The following TYW1B variants were observed in gnomAD, a reference collection of about 807,000 sequenced individuals.
The protein encoded by TYW1B is tRNA-yW synthesizing protein 1 homolog B, also known as S-adenosyl-L-methionine-dependent tRNA 4-demethylwyosine synthase TYW1B.
Under a neutral mutation model 86.9 loss-of-function variants are expected in TYW1B, and 73 were observed. The ratio of observed to expected loss-of-function variants is 0.84; its 90% CI spans 0.70 to 1.02. The LOEUF is 1.02. Among genes scored for constraint, TYW1B ranks in the 50% least tolerant of loss-of-function variants. The pLI is 0.00. For synonymous variants in TYW1B, 248 were observed against 292.8 expected, an observed-to-expected ratio of 0.85 and a Z score of 1.56; for missense variants, 637 against 827.4, an observed-to-expected ratio of 0.77 and a Z score of 2.82.
intron 13 of TYW1B, among the ~76,000 whole-genome samples, chr7:72,612,340 G>A (rs1165789803): frequency 2.0e-5 from 3 of 152,122 alleles, no homozygotes; most frequent in Non-Finnish European, 2.9e-5. Context: ...TAAATGGGAG[G>A]AAAGGGAGGG....
intron 7 of TYW1B, among the ~76,000 whole-genome samples, chr7:72,764,294 T>C (rs1299750519): frequency 3.9e-5 from 6 of 152,198 alleles, no homozygotes; most frequent in Non-Finnish European, 4.4e-5. Flanking sequence ...ACAAGTCCTT[T>C]TTTTTCTTTT....
intron 11 of TYW1B, among the ~76,000 whole-genome samples, chr7:72,683,470 T>C (rs1333956182): frequency 1.3e-5 from 2 of 152,178 alleles, no homozygotes; most frequent in Non-Finnish European, 2.9e-5. Context: ...CTTGGAAGGC[T>C]GAGGCAGGAG....
intron 6 of TYW1B, among the ~76,000 whole-genome samples, chr7:72,800,820 G>A (rs879986902): frequency 4.0e-5 from 6 of 150,898 alleles, no homozygotes; most frequent in African/African-American, 7.3e-5. Context: ...TTTTCCACAT[G>A]ACTAGATCAA....
intron 10 of TYW1B, among the ~76,000 whole-genome samples, chr7:72,696,853 C>T (rs1332168296): frequency 1.3e-5 from 2 of 152,006 alleles, no homozygotes; most frequent in African/African-American, 4.8e-5. Context: ...TCTGCAATAC[C>T]GATGTACTAA....
At chr7:72,803,215 C>T (rs1264469749) in intron 5 of TYW1B, among the ~76,000 whole-genome samples, 2 of 151,994 alleles carry the variant, frequency 1.3e-5, no homozygotes, top group African/African-American at 4.8e-5. Context: ...TCTACAAAAA[C>T]AACAACAACA....
At chr7:72,648,247 A>G (rs1812977831) in intron 11 of TYW1B, among the ~76,000 whole-genome samples, 2 of 151,992 alleles carry the variant, frequency 1.3e-5, no homozygotes, top group Admixed American at 6.6e-5. Context: ...TAGATACTTA[A>G]AACTCCCCTG....
chr7:72,766,158 T>A lies in TYW1B; in HGVS notation c.964+11258A>T, dbSNP rs553113796. 2.0e-4 allele frequency among the ~76,000 whole-genome samples: 30 copies of A among 152,352 alleles called. 1 individual carries two copies. The highest frequency in any genetic ancestry group is 7.0e-4 in the African/African-American group (29 of 41,592). The stretch of plus-strand genomic sequence containing the variant: ...TCCTCTGGGAAAGCTGAAACCCATA[T>A]ACACAAAACAAAACAGCTCATAACG... On this transcript the variant is annotated intron_variant, in intron 7 of 13. Coordinates refer to ENST00000620995, the MANE Select transcript of TYW1B (RefSeq NM_001145440.3).
chr7:72,827,029 C>T, intron 1 of TYW1B, 44 bp from the exon 2 acceptor site: 1 of 1,568,996 alleles, frequency 6.4e-7, no homozygotes, highest in South Asian at 1.2e-5. Flanking sequence ...TTTAAAGCTA[C>T]ATATACAAAG....
chr7:72,605,596 C>T (rs1811774558), intron 13 of TYW1B, among the ~76,000 whole-genome samples: 1 of 152,128 alleles, frequency 6.6e-6, no homozygotes, highest in Non-Finnish European at 1.5e-5. Context: ...TCATGATCCG[C>T]CCACTTCGGC....
At chr7:72,789,939 CTTTTTTTTTT>C (rs67405029) in intron 6 of TYW1B, among the ~76,000 whole-genome samples, 1 of 69,168 alleles carries the variant, frequency 1.4e-5, no homozygotes, top group Admixed American at 2.0e-4. Flanking sequence ...ATAGGATTAT[CTTTTTTTTTT>C]TTTTTTTTTT....
In TYW1B at chr7:72,574,957, A is replaced by G; in HGVS notation, c.*541T>C. On this transcript the variant is annotated 3_prime_UTR_variant, in exon 14 of 14. Transcript: ENST00000620995. ...TAAACCAAAACTCAATCTATGCAGT[A>G]TTTAAAAAATAATTGAGAGTTGTGA... is the stretch of plus-strand genomic sequence containing the variant. 1 of 988,188 alleles carries G rather than the reference A, an allele frequency of 1.0e-6. No individual in the cohort carries two copies. Among genetic ancestry groups the G allele is most frequent in the African/African-American group, 1.7e-5 (1 of 57,376 alleles). 61.2% of individuals were successfully genotyped at this position (988,188 alleles called of 1,614,324 possible).
intron 9 of TYW1B, among the ~76,000 whole-genome samples, chr7:72,719,705 T>TGG (rs1554456955): frequency 6.8e-6 from 1 of 146,900 alleles, no homozygotes; most frequent in Admixed American, 6.8e-5. Flanking sequence ...AATGAAGATG[T>TGG]GGGGTGCCAA....
intron 6 of TYW1B, among the ~76,000 whole-genome samples, chr7:72,785,977 G>A (rs1788122458): frequency 6.6e-6 from 1 of 152,068 alleles, no homozygotes; most frequent in African/African-American, 2.4e-5. Context: ...GCCGGGCGTG[G>A]TGGCGGGCGC....
At chr7:72,642,923 T>G (rs1554441658) in intron 11 of TYW1B, among the ~76,000 whole-genome samples, 1 of 152,132 alleles carries the variant, frequency 6.6e-6, no homozygotes, top group African/African-American at 2.4e-5. Flanking sequence ...GAAGTTCTGA[T>G]TCATGCTATA....
intron 6 of TYW1B, among the ~76,000 whole-genome samples, chr7:72,797,817 T>C (rs1788329715): frequency 6.6e-6 from 1 of 152,158 alleles, no homozygotes; most frequent in African/African-American, 2.4e-5. Flanking sequence ...GCCGTGAGAC[T>C]TCCAGCAGGT....
intron 12 of TYW1B, 95 bp downstream of exon 12, chr7:72,628,792 C>T (rs1812413959): frequency 1.1e-6 from 1 of 903,346 alleles, no homozygotes; most frequent in African/African-American, 1.8e-5. Context: ...CCTGGGACCT[C>T]TAGAGTTTTA....
At chr7:72,791,531 A>C (rs1428189157) in intron 6 of TYW1B, among the ~76,000 whole-genome samples, 3 of 152,132 alleles carry the variant, frequency 2.0e-5, no homozygotes, top group Non-Finnish European at 4.4e-5. Context: ...TAATCCCAGC[A>C]CTTTGGGAGG....
intron 13 of TYW1B, among the ~76,000 whole-genome samples, chr7:72,587,106 G>C (rs1382486694): frequency 6.6e-6 from 1 of 152,162 alleles, no homozygotes; most frequent in East Asian, 1.9e-4. Flanking sequence ...AGAGCAGGGG[G>C]AGTACTGATG....
At chr7:72,695,001 G>C (rs764601640) in intron 10 of TYW1B, among the ~76,000 whole-genome samples, 179 bp from the exon 11 acceptor site, 19 of 152,126 alleles carry the variant, frequency 1.2e-4, no homozygotes, top group Non-Finnish European at 2.8e-4. Flanking sequence ...ACGGCCTCTG[G>C]TTGTTTTTTA....
Sources: allele counts gnomAD v4.1 joint callset (sites outside exome capture counted in the v4.1 genomes callset), GRCh38; gene constraint gnomAD v4.1.1; transcripts MANE v1.5; gene names NCBI Gene and HGNC (gene_info 2026-07-23, HGNC 2026-07-21).